Variants in PRMT8 observed in about 807,000 individuals in gnomAD.
PRMT8 encodes the protein protein arginine N-methyltransferase 8.
In PRMT8, 7 loss-of-function variants were observed where a neutral mutation model predicts 47.1. That is an observed-to-expected ratio of 0.15 (90% CI 0.08 to 0.28). The LOEUF (loss-of-function observed/expected upper bound fraction) is 0.28. PRMT8 is among the 10% of genes least tolerant of loss of function. PRMT8 has a pLI of 1.00. For synonymous variants in PRMT8, 188 were observed against 186.5 expected, an observed-to-expected ratio of 1.01 and a Z score of -0.07; for missense variants, 237 against 505.4, an observed-to-expected ratio of 0.47 and a Z score of 5.09.
chr12:3,407,367 C>CT (rs56668996), intron 1 of PRMT8, among the ~76,000 whole-genome samples: 46 of 150,810 alleles, frequency 3.1e-4, no homozygotes, highest in Non-Finnish European at 5.3e-4. Context: ...TCTTGGCTGA[C>CT]TTTTTTTTTT....
In PRMT8 at chr12:3,553,756, C is replaced by T. The variant is rs199693919; in HGVS notation, c.481+42C>T. On this transcript the variant is annotated intron_variant, in intron 4 of 9. Coordinates refer to ENST00000382622, the MANE Select transcript of PRMT8 (RefSeq NM_019854.5). Reference sequence around the variant, plus strand: ...AGTGTTTTCTCCTGGATGGAGGGGACGGGAAGCTCACACTTTCTTGTTGGG... The same window carrying T: ...AGTGTTTTCTCCTGGATGGAGGGGATGGGAAGCTCACACTTTCTTGTTGGG... The T allele has an allele frequency of 2.1e-5, 31 of 1,506,494 alleles. No homozygotes were observed. In the East Asian group the frequency reaches 2.7e-4, roughly 13 times the overall value. The allele number at this position is 1,506,494 out of a possible 1,614,324, so 93.3% of individuals were successfully genotyped here.
At chr12:3,506,712 A>G (rs529773603) in intron 1 of PRMT8, among the ~76,000 whole-genome samples, 2 of 152,284 alleles carry the variant, frequency 1.3e-5, no homozygotes, top group Admixed American at 6.5e-5. Flanking sequence ...AGAAGTGGTC[A>G]TTCTCTACGG....
At chr12:3,562,668 G>C (rs544805689) in intron 4 of PRMT8, among the ~76,000 whole-genome samples, 13 of 152,176 alleles carry the variant, frequency 8.5e-5, no homozygotes, top group Non-Finnish European at 1.8e-4. Flanking sequence ...CATCTGTGTC[G>C]TTAGCTTGAA....
At chr12:3,400,960 A>G (rs559789135) in intron 1 of PRMT8, among the ~76,000 whole-genome samples, 4 of 152,062 alleles carry the variant, frequency 2.6e-5, no homozygotes, top group East Asian at 1.9e-4. Context: ...CAGCCTCAAC[A>G]TGGAGAAACC....
chr12:3,442,361 G>A (rs1188913235), intron 1 of PRMT8, among the ~76,000 whole-genome samples: 1 of 152,132 alleles, frequency 6.6e-6, no homozygotes, highest in Non-Finnish European at 1.5e-5. Flanking sequence ...AAGGCATGAA[G>A]GACAATGACT....
chr12:3,470,422 G>A (rs1865147685), intron 1 of PRMT8, among the ~76,000 whole-genome samples: 1 of 152,176 alleles, frequency 6.6e-6, no homozygotes, highest in African/African-American at 2.4e-5. Context: ...GGTAGGGGCT[G>A]GGCAGGGGAT....
chr12:3,509,960 C>T (rs577887271), intron 1 of PRMT8, among the ~76,000 whole-genome samples: 26 of 152,320 alleles, frequency 1.7e-4, no homozygotes, highest in African/African-American at 6.3e-4. Flanking sequence ...TTGCCTGAGA[C>T]AATCAAGAAT....
At chr12:3,574,566 A>C (rs557536725) in intron 6 of PRMT8, among the ~76,000 whole-genome samples, 1 of 152,256 alleles carries the variant, frequency 6.6e-6, no homozygotes, top group South Asian at 2.1e-4. Flanking sequence ...CAAACCACAT[A>C]ATGATAACCA....
chr12:3,553,315 G>T (rs3825340), intron 3 of PRMT8: 5 of 360,690 alleles, frequency 1.4e-5, no homozygotes, highest in Non-Finnish European at 2.5e-5. Flanking sequence ...CGTCCCCCAC[G>T]GTGGGGAGGA....
intron 1 of PRMT8, among the ~76,000 whole-genome samples, chr12:3,420,398 C>G (rs1254438809): frequency 6.6e-6 from 1 of 152,118 alleles, no homozygotes; most frequent in African/African-American, 2.4e-5. Flanking sequence ...TTTTGTTTGT[C>G]TGTTTTGGTT....
At chr12:3,410,623 C>G (rs1428676871) in intron 1 of PRMT8, among the ~76,000 whole-genome samples, 2 of 152,210 alleles carry the variant, frequency 1.3e-5, no homozygotes, top group Non-Finnish European at 2.9e-5. Flanking sequence ...ATTCTGCTGC[C>G]TCAGCCTCCC....
intron 4 of PRMT8, among the ~76,000 whole-genome samples, chr12:3,559,820 C>A (rs1250117669): frequency 6.6e-6 from 1 of 152,170 alleles, no homozygotes; most frequent in Non-Finnish European, 1.5e-5. Flanking sequence ...TCCATGCTGA[C>A]CCGTTGTGGC....
intron 1 of PRMT8, among the ~76,000 whole-genome samples, chr12:3,454,472 G>C (rs549755173): frequency 9.2e-5 from 14 of 152,264 alleles, no homozygotes; most frequent in South Asian, 4.1e-4. Flanking sequence ...CTAGGGGAGG[G>C]GGGTGTCTAG....
chr12:3,543,752 C>T (rs955524366), intron 2 of PRMT8, among the ~76,000 whole-genome samples: 8 of 152,272 alleles, frequency 5.3e-5, no homozygotes, highest in Admixed American at 4.6e-4. Flanking sequence ...CAGGGGCTAG[C>T]GAGAGGAAGA....
intron 1 of PRMT8, among the ~76,000 whole-genome samples, chr12:3,401,886 G>A (rs1396013606): frequency 6.6e-6 from 1 of 152,130 alleles, no homozygotes; most frequent in Non-Finnish European, 1.5e-5. Context: ...AATCAATATC[G>A]TGAAAATGGC....
intron 2 of PRMT8, among the ~76,000 whole-genome samples, chr12:3,545,631 TG>T (rs1866313988): frequency 6.6e-6 from 1 of 152,134 alleles, no homozygotes; most frequent in Non-Finnish European, 1.5e-5. Flanking sequence ...AAAGAGAAGT[TG>T]GGAAATGTAG....
chr12:3,558,390 T>C (rs1406018891), intron 4 of PRMT8, among the ~76,000 whole-genome samples: 1 of 152,144 alleles, frequency 6.6e-6, no homozygotes, highest in Non-Finnish European at 1.5e-5. Context: ...CTGAATACAT[T>C]AGTGTGCATT....
chr12:3,518,600 C>T (rs1164448891), intron 1 of PRMT8, among the ~76,000 whole-genome samples: 1 of 152,134 alleles, frequency 6.6e-6, no homozygotes, highest in East Asian at 1.9e-4. Context: ...CAGGCAAGGA[C>T]TCCTGCCAGC....
At chr12:3,472,071 G>A (rs538770732) in intron 1 of PRMT8, among the ~76,000 whole-genome samples, 70 of 152,248 alleles carry the variant, frequency 4.6e-4, no homozygotes, top group Middle Eastern at 3.4e-3. Flanking sequence ...GTGCGTGGGC[G>A]GGGACATCAA....
Sources: allele counts gnomAD v4.1 joint callset (sites outside exome capture counted in the v4.1 genomes callset), GRCh38; gene constraint gnomAD v4.1.1; transcripts MANE v1.5; gene names NCBI Gene and HGNC (gene_info 2026-07-23, HGNC 2026-07-21).